Variants in UPP2 observed in about 807,000 individuals in gnomAD.
UPP2 encodes the protein UPase 2.
A neutral mutation model predicts 26.7 loss-of-function variants in UPP2; 23 were observed. The observed-to-expected ratio is 0.86, with a 90% CI of 0.62 to 1.22. UPP2 has a LOEUF of 1.22. Among genes scored for constraint, UPP2 ranks in the 50% most tolerant of loss-of-function variants. UPP2 has a pLI of 0.00. For missense variants in UPP2, 387 were observed against 396.7 expected, an observed-to-expected ratio of 0.98 and a Z score of 0.21; for synonymous variants, 127 against 141.3, an observed-to-expected ratio of 0.90 and a Z score of 0.72.
Position 158,135,023 on chromosome 2 carries a change from C to T in UPP2, c.*133C>T. 1 of 1,097,764 alleles carries T rather than the reference C, an allele frequency of 9.1e-7. No individual in the cohort carries two copies. The highest frequency in any genetic ancestry group is 1.2e-6 in the Non-Finnish European group (1 of 827,570). The allele number at this position is 1,097,764 out of a possible 1,614,324, so 68.0% of individuals were successfully genotyped here. A position where few individuals can be genotyped will look rare whatever the true frequency, so the allele number is the denominator to read the frequency against. ...CTAAATGGAAAGACTTTATGAAATC[C>T]TTCTCTCTTAAAAAGGAATTTATTG... On this transcript the variant is annotated 3_prime_UTR_variant, in exon 7 of 7. Coordinates refer to ENST00000005756, the MANE Select transcript of UPP2 (RefSeq NM_173355.4).
At chr2:158,073,721 A>G (rs1459839053) in intron 3 of UPP2, among the ~76,000 whole-genome samples, 3 of 152,222 alleles carry the variant, frequency 2.0e-5, no homozygotes. Context: ...CTTTTACCCT[A>G]GAACATATCC....
In UPP2 at chr2:158,115,199, C is replaced by T. The variant is rs1490065904; in HGVS notation, c.279C>T (p.Asp93=). Reference sequence around the variant, plus strand: ...AGGAAGCTGAAGAAGACATAAAAGACATCTGTGCTGGGACAGACAGATACT... The same window carrying T: ...AGGAAGCTGAAGAAGACATAAAAGATATCTGTGCTGGGACAGACAGATACT... ...GFEEAEEDIK[D]ICAGTDRYCM... is the part of the protein sequence containing the mutation. Residue 93 remains aspartate, a synonymous_variant, in exon 3 of 7, where the codon GAC becomes GAT. Transcript: ENST00000005756. 1.2e-6 allele frequency: 2 copies of T among 1,613,696 alleles called. No individual in the cohort carries two copies. Among genetic ancestry groups the T allele is most frequent in the Admixed American group, 3.3e-5 (2 of 59,956 alleles).
chr2:158,073,192 T>C (rs1235011997), intron 3 of UPP2, among the ~76,000 whole-genome samples: 1 of 151,968 alleles, frequency 6.6e-6, no homozygotes, highest in Non-Finnish European at 1.5e-5. Flanking sequence ...ACTGACATGC[T>C]AAAACAATGC....
chr2:158,068,083 A>G (rs1682466682), intron 3 of UPP2, among the ~76,000 whole-genome samples: 1 of 152,160 alleles, frequency 6.6e-6, no homozygotes. Context: ...GAAATTATTT[A>G]AGAATTGGAC....
At chr2:158,101,810 G>GGATA (rs1683080880), upstream of UPP2, 3 of 1,215,228 alleles carry the variant, frequency 2.5e-6, no homozygotes, top group South Asian at 9.1e-5. Context: ...ATCTTCTTGA[G>GGATA]GAAGTGCTGC....
chr2:158,114,922 G>C lies in UPP2; in HGVS notation c.181-179G>C, dbSNP rs1383761787. The stretch of plus-strand genomic sequence containing the variant: ...ATTTAGTGCAAAAAACTTTGCATCT[G>C]TTGCTTTATTTACAGGTTGATGATG... On this transcript the variant is annotated intron_variant, in intron 2 of 6. Coordinates refer to ENST00000005756, the MANE Select transcript of UPP2 (RefSeq NM_173355.4). Among the ~76,000 whole-genome samples the C allele has an allele frequency of 2.0e-5, 3 of 152,160 alleles. 1 individual carries two copies. Among genetic ancestry groups the C allele is most frequent in the African/African-American group, 7.2e-5 (3 of 41,430 alleles).
intron 3 of UPP2, among the ~76,000 whole-genome samples, chr2:158,095,849 G>C (rs896812661): frequency 6.6e-6 from 1 of 151,350 alleles, no homozygotes; most frequent in Admixed American, 6.6e-5. Context: ...TGGTTATTTC[G>C]AGCTTAGACA....
intron 2 of UPP2, among the ~76,000 whole-genome samples, chr2:158,015,311 T>G (rs947105194): frequency 6.6e-6 from 1 of 152,212 alleles, no homozygotes; most frequent in Non-Finnish European, 1.5e-5. Context: ...TTCAGATACC[T>G]CATATAAGTG....
chr2:158,129,563 C>T (rs188448995), intron 6 of UPP2, among the ~76,000 whole-genome samples: 1 of 152,136 alleles, frequency 6.6e-6, no homozygotes, highest in East Asian at 1.9e-4. Context: ...CTCCTGTCTC[C>T]TGATCACCAC....
chr2:158,084,477 T>G (rs1574281773), intron 3 of UPP2, among the ~76,000 whole-genome samples: 1 of 152,340 alleles, frequency 6.6e-6, no homozygotes, highest in East Asian at 1.9e-4. Flanking sequence ...TCTTTTGCTG[T>G]GCAGAAGCTT....
rs557457775 is a variant in UPP2 at position 158,044,157 on chromosome 2, T to C, written c.147+28271T>C. Among the ~76,000 whole-genome samples, 4 of 151,644 alleles carry C rather than the reference T, an allele frequency of 2.6e-5. No individual in the cohort carries two copies. In the South Asian group the frequency reaches 8.4e-4, roughly 32 times the overall value. On this transcript the variant is annotated intron_variant, in intron 3 of 9. Transcript: ENST00000605860. Reference sequence around the variant, plus strand: ...TTGGATTGGAGGAAGCTTGGAAAAATGGGTTAGATTTAGACTAGCGGTAGA... The same window carrying C: ...TTGGATTGGAGGAAGCTTGGAAAAACGGGTTAGATTTAGACTAGCGGTAGA...
chr2:158,042,394 G>A (rs1684093730), intron 3 of UPP2, among the ~76,000 whole-genome samples: 1 of 152,094 alleles, frequency 6.6e-6, no homozygotes, highest in South Asian at 2.1e-4. Flanking sequence ...GTTGTCTGAT[G>A]TGTGTCATGA....
chr2:158,032,538 C>T, intron 3 of UPP2, among the ~76,000 whole-genome samples: 1 of 151,998 alleles, frequency 6.6e-6, no homozygotes, highest in Non-Finnish European at 1.5e-5. Flanking sequence ...GTGGTGAGGG[C>T]AGTGGCAGAG....
At chr2:158,007,386 G>A (rs541170026) in intron 2 of UPP2, among the ~76,000 whole-genome samples, 1 of 152,200 alleles carries the variant, frequency 6.6e-6, no homozygotes, top group East Asian at 1.9e-4. Flanking sequence ...GTTCCCTCTG[G>A]CTTGCACTTT....
In UPP2 at chr2:158,125,191, T is replaced by C. The variant is rs1056025989; in HGVS notation, c.811+1296T>C. On this transcript the variant is annotated intron_variant, in intron 6 of 6. Transcript: ENST00000005756. ...CACAATAAAGCTTCATTTTTATAAG[T>C]GGAATTTGACTTGCAAAACTTGTCC... Among the ~76,000 whole-genome samples the C allele has an allele frequency of 2.6e-5, 4 of 152,162 alleles. No homozygotes were observed. The South Asian group carries it at 8.3e-4, about 32-fold the overall frequency.
At chr2:158,106,049 CTTT>C in intron 1 of UPP2, 47 bp from the exon 2 acceptor site, 1 of 1,375,304 alleles carries the variant, frequency 7.3e-7, no homozygotes, top group East Asian at 2.5e-5. Context: ...TTCTTGTGAG[CTTT>C]CTCTCAAAAT....
intron 3 of UPP2, among the ~76,000 whole-genome samples, chr2:158,092,451 G>T (rs1013358244): frequency 2.0e-5 from 3 of 152,184 alleles, no homozygotes; most frequent in Admixed American, 6.5e-5. Context: ...TCCCATGAGT[G>T]CTGAGGGAAA....
In UPP2 at chr2:158,027,619, G is replaced by C. The variant is rs529484680; in HGVS notation, c.147+11733G>C. Among the ~76,000 whole-genome samples the C allele has an allele frequency of 3.3e-5, 5 of 152,242 alleles. No homozygotes were observed. The South Asian group carries it at 1.0e-3, about 32-fold the overall frequency. On this transcript the variant is annotated intron_variant, in intron 3 of 9. Coordinates refer to the UPP2 transcript ENST00000605860. Reference sequence around the variant, plus strand: ...CTACCATTCTGGAGTCTGGAGGATGGTGGCCCTCTTTTCATAGCTCCACTA... The same window carrying C: ...CTACCATTCTGGAGTCTGGAGGATGCTGGCCCTCTTTTCATAGCTCCACTA...
At chr2:158,037,898 T>A (rs576429067) in intron 3 of UPP2, among the ~76,000 whole-genome samples, 1 of 152,262 alleles carries the variant, frequency 6.6e-6, no homozygotes, top group Admixed American at 6.5e-5. Context: ...AAATATCTGA[T>A]CCCATCAAAT....
Sources: allele counts gnomAD v4.1 joint callset (sites outside exome capture counted in the v4.1 genomes callset), GRCh38; gene constraint gnomAD v4.1.1; transcripts MANE v1.5; gene names NCBI Gene and HGNC (gene_info 2026-07-23, HGNC 2026-07-21).